Variants in PCBP3 observed in about 807,000 individuals in gnomAD.
PCBP3 encodes poly(rC)-binding protein 3.
Under a neutral mutation model 52.7 loss-of-function variants are expected in PCBP3, and 25 were observed. That is an observed-to-expected ratio of 0.47 (90% CI 0.35 to 0.66). PCBP3 has a LOEUF of 0.66. Among genes scored for constraint, PCBP3 ranks in the 30% least tolerant of loss-of-function variants. PCBP3 has a pLI of 0.01. For synonymous variants in PCBP3, 162 were observed against 183.0 expected, an observed-to-expected ratio of 0.89 and a Z score of 0.93; for missense variants, 391 against 490.3, an observed-to-expected ratio of 0.80 and a Z score of 1.91.
chr21:45,660,696 T>G (rs1245338450), intron 1 of PCBP3, among the ~76,000 whole-genome samples: 24 of 152,184 alleles, frequency 1.6e-4, no homozygotes. Flanking sequence ...AAACTTTGCT[T>G]CTGTATATCT....
chr21:45,874,489 A>G (rs1603461198), intron 5 of PCBP3, among the ~76,000 whole-genome samples: 1 of 147,164 alleles, frequency 6.8e-6, no homozygotes, highest in Admixed American at 6.7e-5. Flanking sequence ...TATACATGGT[A>G]TCTTCTTCTT....
intron 3 of PCBP3, among the ~76,000 whole-genome samples, chr21:45,742,367 C>G (rs1569171877): frequency 6.6e-6 from 1 of 152,228 alleles, no homozygotes. Context: ...ACGTCTCCAT[C>G]TCGAAATGCA....
intron 13 of PCBP3, among the ~76,000 whole-genome samples, chr21:45,927,580 T>C (rs982928937): frequency 4.0e-5 from 6 of 151,398 alleles, no homozygotes; most frequent in Non-Finnish European, 8.8e-5. Flanking sequence ...CACCCGCCCA[T>C]CCTCTCCACA....
At chr21:45,888,744 T>C (rs2095582222) in intron 5 of PCBP3, among the ~76,000 whole-genome samples, 1 of 152,250 alleles carries the variant, frequency 6.6e-6, no homozygotes, top group African/African-American at 2.4e-5. Context: ...GTGGACAGTA[T>C]CTATACATGG....
At chr21:45,655,994 C>T (rs1011232605) in intron 1 of PCBP3, among the ~76,000 whole-genome samples, 1 of 152,172 alleles carries the variant, frequency 6.6e-6, no homozygotes, top group Non-Finnish European at 1.5e-5. Flanking sequence ...CAGGAAACAA[C>T]AGATGCTGGA....
chr21:45,785,300 GC>G (rs919974365), intron 4 of PCBP3, among the ~76,000 whole-genome samples: 3 of 151,096 alleles, frequency 2.0e-5, no homozygotes, highest in Admixed American at 1.3e-4. Flanking sequence ...GTGGGGGTCA[GC>G]CCCCCGCCCG....
chr21:45,933,411 T>C (rs2076539971), intron 15 of PCBP3, among the ~76,000 whole-genome samples: 1 of 152,238 alleles, frequency 6.6e-6, no homozygotes, highest in African/African-American at 2.4e-5. Flanking sequence ...CCTAGGAAGA[T>C]TTCCCATACT....
At chr21:45,666,169 T>G (rs1603205925) in intron 1 of PCBP3, among the ~76,000 whole-genome samples, 1 of 152,314 alleles carries the variant, frequency 6.6e-6, no homozygotes, top group East Asian at 1.9e-4. Flanking sequence ...TCATTCTGAA[T>G]GAGGAAACGC....
chr21:45,864,087 C>A (rs985885425), intron 5 of PCBP3, among the ~76,000 whole-genome samples: 3 of 152,128 alleles, frequency 2.0e-5, no homozygotes, highest in African/African-American at 7.2e-5. Flanking sequence ...CGTGGCTTTA[C>A]GGATGTTTAT....
intron 1 of PCBP3, among the ~76,000 whole-genome samples, chr21:45,650,611 C>A (rs2146816120): frequency 6.6e-6 from 1 of 152,184 alleles, no homozygotes; most frequent in East Asian, 1.9e-4. Context: ...CCACCATGCT[C>A]AGATAATTTT....
intron 5 of PCBP3, among the ~76,000 whole-genome samples, chr21:45,882,811 T>G (rs1402388180): frequency 6.6e-6 from 1 of 152,188 alleles, no homozygotes; most frequent in Non-Finnish European, 1.5e-5. Flanking sequence ...CCTGGTGTCT[T>G]TATTGTAGAT....
chr21:45,775,670 T>G (rs564356188), intron 4 of PCBP3, among the ~76,000 whole-genome samples: 47 of 152,352 alleles, frequency 3.1e-4, no homozygotes, highest in African/African-American at 1.1e-3. Flanking sequence ...CTTCCCACAC[T>G]GCAGCTCTCA....
chr21:45,754,332 G>A (rs538011576), intron 3 of PCBP3, among the ~76,000 whole-genome samples: 2 of 152,218 alleles, frequency 1.3e-5, no homozygotes, highest in South Asian at 4.2e-4. Flanking sequence ...ATTATGTCCT[G>A]GAAATCTAAG....
chr21:45,939,978 C>T, intron 16 of PCBP3, 52 bp from the exon 17 acceptor site: 3 of 1,554,584 alleles, frequency 1.9e-6, no homozygotes, highest in Non-Finnish European at 2.6e-6. Flanking sequence ...CCACAGTCTT[C>T]AGGGGCTGGC....
chr21:45,797,470 G>T (rs79804965), intron 4 of PCBP3, among the ~76,000 whole-genome samples: 1 of 19,626 alleles, frequency 5.1e-5, no homozygotes, highest in African/African-American at 1.8e-4. Context: ...ATGGATAGAC[G>T]AGTGCATGGA....
rs1329375207 is a variant in PCBP3, at chr21:45,750,293, AC to A, written c.-161-5123del. On this transcript the variant is annotated intron_variant, in intron 3 of 17. Transcript: ENST00000681687. ...CTGCATCTTGTGACGTTTCCCCAGG[AC>A]TTAGCCGTGGTTGGTTTCTGCCTTG... 6.6e-5 allele frequency: 10 copies of A among 151,668 alleles called. No individual in the cohort carries two copies. In the East Asian group the frequency reaches 2.0e-3, roughly 30 times the overall value. 9.4% of individuals were successfully genotyped at this position (151,668 alleles called of 1,614,324 possible).
intron 4 of PCBP3, among the ~76,000 whole-genome samples, chr21:45,835,601 G>T (rs1199924202): frequency 6.6e-6 from 1 of 152,240 alleles, no homozygotes; most frequent in Non-Finnish European, 1.5e-5. Context: ...GCACTCACAT[G>T]GTGTGCTGGG....
At chr21:45,708,774 G>A (rs1166489353) in intron 2 of PCBP3, among the ~76,000 whole-genome samples, 5 of 152,198 alleles carry the variant, frequency 3.3e-5, no homozygotes, top group Non-Finnish European at 5.9e-5. Context: ...TGTGGGTTCC[G>A]TAGAGGCTTT....
At chr21:45,908,539 A>G (rs1184613306) in intron 9 of PCBP3, among the ~76,000 whole-genome samples, 1 of 152,192 alleles carries the variant, frequency 6.6e-6, no homozygotes, top group Non-Finnish European at 1.5e-5. Flanking sequence ...ATCGTAACTC[A>G]GGCATAATGG....
Sources: allele counts gnomAD v4.1 joint callset (sites outside exome capture counted in the v4.1 genomes callset), GRCh38; gene constraint gnomAD v4.1.1; transcripts MANE v1.5; gene names NCBI Gene and HGNC (gene_info 2026-07-23, HGNC 2026-07-21).